The following FBN2 variants were observed in gnomAD, a reference collection of about 807,000 sequenced individuals.
FBN2 encodes fibrillin-2.
Under a neutral mutation model 355.6 loss-of-function variants are expected in FBN2, and 105 were observed. That is an observed-to-expected ratio of 0.30 (90% CI 0.25 to 0.35). The LOEUF is 0.35. Ranked by LOEUF, FBN2 falls within the 10% of genes least tolerant of loss-of-function variation. FBN2 has a pLI of 1.00. For synonymous variants in FBN2, 1,350 were observed against 1,301.2 expected, an observed-to-expected ratio of 1.04 and a Z score of -0.81; for missense variants, 3,280 against 3,758.7, an observed-to-expected ratio of 0.87 and a Z score of 3.33.
intron 34 of FBN2, among the ~76,000 whole-genome samples, chr5:128,325,510 G>T (rs1392146759): frequency 6.6e-6 from 1 of 152,142 alleles, no homozygotes; most frequent in East Asian, 1.9e-4. Flanking sequence ...GTCTTTGCAC[G>T]TGAGATGCGT....
At position 128,502,299 on chromosome 5, in the gene FBN2, AAT is replaced by A. The variant is rs1210432112; in HGVS notation, c.628+16972_628+16973del. ...AACTTATACAGAACAAAAAAAAAAAAATAATTATAAAGTAAAAACTCTTTGAG... is the reference window on the plus strand; with the variant it reads ...AACTTATACAGAACAAAAAAAAAAAAAATTATAAAGTAAAAACTCTTTGAG... On this transcript the variant is annotated intron_variant, in intron 5 of 64. Coordinates refer to ENST00000262464, the MANE Select transcript of FBN2 (RefSeq NM_001999.4). Among the ~76,000 whole-genome samples, 130 of 151,110 alleles carry A rather than the reference AAT, an allele frequency of 8.6e-4. 3 individuals carry two copies. The highest frequency in any genetic ancestry group is 5.1e-3 in the East Asian group (26 of 5,100).
rs1039941364 is a variant in FBN2, at chr5:128,305,776, T to C, written c.5548+47A>G. The C allele has an allele frequency of 2.5e-6, 4 of 1,608,386 alleles. No homozygotes were observed. In the African/African-American group the frequency reaches 4.0e-5, roughly 16 times the overall value. On this transcript the variant is annotated intron_variant, in intron 43 of 64. Transcript: ENST00000262464. ...TCAGAAACCATCTAAATGCTATATA[T>C]GTATACCAAATTATACTGGATAAAG...
chr5:128,477,510 T>TTTA (rs1418358714), intron 5 of FBN2, among the ~76,000 whole-genome samples: 11 of 152,126 alleles, frequency 7.2e-5, no homozygotes, highest in Non-Finnish European at 1.5e-4. Flanking sequence ...AATGACTTCT[T>TTTA]TTATTATTAT....
intron 11 of FBN2, among the ~76,000 whole-genome samples, chr5:128,390,646 C>A (rs867421223): frequency 6.6e-6 from 1 of 152,302 alleles, no homozygotes; most frequent in African/African-American, 2.4e-5. Context: ...GAGTGCCTGT[C>A]TCAAGGAAAA....
chr5:128,305,495 T>C lies in FBN2; in HGVS notation c.5674+16A>G, dbSNP rs1433977675. The C allele has an allele frequency of 1.2e-6, 2 of 1,613,484 alleles. No homozygotes were observed. Among genetic ancestry groups the C allele is most frequent in the Middle Eastern group, 1.6e-4 (1 of 6,080 alleles). Reference sequence around the variant, plus strand: ...CTTGTGCTCAGTGCCAAAGAATGAGTCAGCCTCTTTCTTACCTACACAGGC... The same window carrying C: ...CTTGTGCTCAGTGCCAAAGAATGAGCCAGCCTCTTTCTTACCTACACAGGC... On this transcript the variant is annotated intron_variant, in intron 44 of 64. Coordinates refer to ENST00000262464, the MANE Select transcript of FBN2 (RefSeq NM_001999.4).
At chr5:128,284,832 T>C (rs1033081978) in intron 55 of FBN2, among the ~76,000 whole-genome samples, 1 of 152,210 alleles carries the variant, frequency 6.6e-6, no homozygotes, top group Non-Finnish European at 1.5e-5. Context: ...ATTTTCTCCT[T>C]TGCATCTACC....
intron 1 of FBN2, 120 bp from the exon 2 acceptor site, chr5:128,536,604 A>G: frequency 2.7e-6 from 2 of 753,484 alleles, no homozygotes; most frequent in Non-Finnish European, 4.7e-6. Flanking sequence ...AATCAAAATT[A>G]CACTTCAAAT....
At chr5:128,317,952 C>T (rs866581948) in intron 36 of FBN2, among the ~76,000 whole-genome samples, 197 bp downstream of exon 36, 1 of 152,312 alleles carries the variant, frequency 6.6e-6, no homozygotes, top group African/African-American at 2.4e-5. Context: ...TACTGCACTT[C>T]TCTGTGCCTT....
chr5:128,458,015 G>A (rs1754446925), intron 6 of FBN2, among the ~76,000 whole-genome samples: 1 of 152,072 alleles, frequency 6.6e-6, no homozygotes, highest in African/African-American at 2.4e-5. Flanking sequence ...GACACTTATT[G>A]GCAAACTGGA....
At chr5:128,271,253 C>A (rs1472628026) in intron 62 of FBN2, among the ~76,000 whole-genome samples, 1 of 152,192 alleles carries the variant, frequency 6.6e-6, no homozygotes, top group African/African-American at 2.4e-5. Context: ...GACCACAGTG[C>A]CCCTTTCTGC....
At chr5:128,469,530 CAA>C (rs34568723) in intron 5 of FBN2, among the ~76,000 whole-genome samples, 3 of 125,658 alleles carry the variant, frequency 2.4e-5, no homozygotes, top group East Asian at 2.3e-4. Flanking sequence ...GACTCCGTCT[CAA>C]AAAAAAAAAA....
chr5:128,527,920 C>A lies in FBN2; in HGVS notation c.484G>T (p.Asp162Tyr). Residue 162 changes from aspartate (D) to tyrosine (Y), a missense_variant, in exon 4 of 65, where the codon GAC (aspartate) becomes TAC (tyrosine). Transcript: ENST00000262464. ...TATCCTTTCTGGCACTGGCAGTGGT[C>A]ATCTGCACAGGTCCCACCATTCATG... ...RCMNGGTCAD[D>Y]HCQCQKGYIG... is the part of the protein sequence containing the mutation. 1 of 1,612,736 alleles carries A rather than the reference C, an allele frequency of 6.2e-7. No homozygotes were observed. The highest frequency in any genetic ancestry group is 1.1e-5 in the South Asian group (1 of 90,994).
intron 5 of FBN2, among the ~76,000 whole-genome samples, chr5:128,517,715 G>C (rs1176144323): frequency 3.3e-5 from 5 of 152,168 alleles, no homozygotes; most frequent in Non-Finnish European, 7.4e-5. Flanking sequence ...ATGAAGTTTT[G>C]TCAGGGTAAT....
intron 5 of FBN2, among the ~76,000 whole-genome samples, chr5:128,505,680 GT>G (rs899171363): frequency 6.6e-6 from 1 of 151,634 alleles, no homozygotes; most frequent in Non-Finnish European, 1.5e-5. Context: ...CGTCATAGTA[GT>G]TTTAATTATC....
intron 36 of FBN2, among the ~76,000 whole-genome samples, chr5:128,313,978 T>C (rs1480330173): frequency 1.3e-5 from 2 of 151,678 alleles, no homozygotes; most frequent in African/African-American, 4.8e-5. Flanking sequence ...TCCCTTTACC[T>C]AGTCTAATGT....
chr5:128,376,364 G>A (rs984773420), intron 14 of FBN2, among the ~76,000 whole-genome samples: 1 of 152,092 alleles, frequency 6.6e-6, no homozygotes, highest in African/African-American at 2.4e-5. Context: ...GAATGACAGT[G>A]GAAAATCTAG....
At chr5:128,485,119 G>A (rs1009906061) in intron 5 of FBN2, among the ~76,000 whole-genome samples, 1 of 152,014 alleles carries the variant, frequency 6.6e-6, no homozygotes, top group Admixed American at 6.6e-5. Flanking sequence ...AACTTCCTGG[G>A]CTCAAGTGAT....
rs147677089 is a variant in FBN2, at chr5:128,316,224, C to T, written c.4717+1925G>A. On this transcript the variant is annotated intron_variant, in intron 36 of 64. Coordinates refer to ENST00000262464, the MANE Select transcript of FBN2 (RefSeq NM_001999.4). ...ACAGTGACATTTTATTTCACTAATG[C>T]ATGTTACTTCTAGGTGATGCCATAA... Among the ~76,000 whole-genome samples the T allele has an allele frequency of 2.0e-5, 3 of 152,224 alleles. No individual in the cohort carries two copies. The East Asian group carries it at 5.8e-4, about 29-fold the overall frequency.
chr5:128,272,345 AC>A (rs1466292706), intron 61 of FBN2, among the ~76,000 whole-genome samples: 3 of 151,858 alleles, frequency 2.0e-5, no homozygotes. Flanking sequence ...TCTCCACCAG[AC>A]CACGGCATGT....
Sources: gnomAD v4.1 joint callset for allele counts (sites outside exome capture counted in the v4.1 genomes callset) on GRCh38, gnomAD v4.1.1 for gene constraint, MANE v1.5 for transcripts, NCBI Gene and HGNC (gene_info 2026-07-23, HGNC 2026-07-21) for gene names.